The following HTR2C variants were observed in gnomAD, a reference collection of about 807,000 sequenced individuals.
HTR2C encodes 5-hydroxytryptamine receptor 2C.
A neutral mutation model predicts 21.0 loss-of-function variants in HTR2C; 5 were observed. That is an observed-to-expected ratio of 0.24 (90% CI 0.12 to 0.50). HTR2C has a LOEUF of 0.50. HTR2C is among the 20% of genes least tolerant of loss of function. The pLI, the probability that HTR2C is intolerant of heterozygous loss-of-function variation, is 0.98. For synonymous variants in HTR2C, 150 were observed against 145.3 expected (o/e 1.03, Z -0.23); for missense variants, 271 against 371.2 (o/e 0.73, Z 2.22).
At chrX:114,895,852 G>A (rs1196028891) in intron 5 of HTR2C, among the ~76,000 whole-genome samples, 1 of 110,089 alleles carries the variant, frequency 9.1e-6, no homozygotes, top group Non-Finnish European at 1.9e-5. Context: ...GCCAGGAGTG[G>A]TGGCGGGTGC....
At chrX:114,857,611 T>G (rs781847635) in intron 5 of HTR2C, among the ~76,000 whole-genome samples, 1 of 111,651 alleles carries the variant, frequency 9.0e-6, no homozygotes, top group Non-Finnish European at 1.9e-5. Flanking sequence ...TTTTTTTGTA[T>G]AGTCTAGATA....
intron 2 of HTR2C, among the ~76,000 whole-genome samples, chrX:114,650,037 CAG>C (rs1930500089): frequency 8.9e-6 from 1 of 111,988 alleles, no homozygotes; most frequent in Admixed American, 9.5e-5. Context: ...TCCTATGAAA[CAG>C]AAATAGCATG....
intron 2 of HTR2C, among the ~76,000 whole-genome samples, chrX:114,637,899 G>A (rs1929909065): frequency 9.0e-6 from 1 of 111,462 alleles, no homozygotes; most frequent in African/African-American, 3.3e-5. Context: ...GGGAGAGTGA[G>A]TGTAAACCTA....
intron 2 of HTR2C, 76 bp downstream of exon 2, chrX:114,613,957 A>G (rs1556399274): frequency 8.9e-6 from 1 of 111,750 alleles, no homozygotes; most frequent in African/African-American, 3.3e-5. Flanking sequence ...GGTGATTCCT[A>G]TTATTTTGCT....
intron 1 of HTR2C, among the ~76,000 whole-genome samples, chrX:114,613,535 C>G (rs1358810568): frequency 9.0e-6 from 1 of 111,406 alleles, no homozygotes; most frequent in Non-Finnish European, 1.9e-5. Flanking sequence ...TAGAATGCCT[C>G]AACTGTCTGG....
At chrX:114,807,967 G>A (rs868977900) in intron 4 of HTR2C, among the ~76,000 whole-genome samples, 13 of 110,834 alleles carry the variant, frequency 1.2e-4, no homozygotes, top group African/African-American at 2.3e-4. Flanking sequence ...CACCGCGCCC[G>A]CCCCATTCTT....
chrX:114,606,287 G>A (rs1194327007), intron 1 of HTR2C, among the ~76,000 whole-genome samples: 12 of 111,051 alleles, frequency 1.1e-4, no homozygotes, highest in African/African-American at 3.9e-4. Context: ...AAGCAGAGAA[G>A]GGGTAGAGAC....
chrX:114,787,863 C>A (rs928597489), intron 4 of HTR2C, among the ~76,000 whole-genome samples: 3 of 106,031 alleles, frequency 2.8e-5, no homozygotes, highest in East Asian at 3.0e-4. Context: ...AAGAGAATGG[C>A]GTGAACCCGG....
At chrX:114,745,923 A>G (rs1556425997) in intron 4 of HTR2C, among the ~76,000 whole-genome samples, 1 of 111,921 alleles carries the variant, frequency 8.9e-6, no homozygotes, top group African/African-American at 3.2e-5. Context: ...ATAGTCAATA[A>G]AAACTTAATT....
chrX:114,704,684 C>T (rs1385639141), intron 2 of HTR2C, among the ~76,000 whole-genome samples: 1 of 111,394 alleles, frequency 9.0e-6, no homozygotes, highest in Non-Finnish European at 1.9e-5. Context: ...TCCTATTCAA[C>T]ATAGTGTTGG....
intron 1 of HTR2C, among the ~76,000 whole-genome samples, chrX:114,605,893 G>A (rs891451429): frequency 9.3e-6 from 1 of 107,578 alleles, no homozygotes; most frequent in African/African-American, 3.4e-5. Context: ...AGAGATAAGA[G>A]GTTGGGGGGC....
At chrX:114,784,181 A>G (rs782698004) in intron 4 of HTR2C, among the ~76,000 whole-genome samples, 85 of 110,235 alleles carry the variant, frequency 7.7e-4, no homozygotes, top group African/African-American at 2.4e-3. Context: ...TAGATTGATT[A>G]ATAGAGAAAA....
rs1556488173 is a variant in HTR2C, at chrX:114,909,431, A to T, written c.*2016A>T. 1 of 112,477 alleles carries T rather than the reference A, an allele frequency of 8.9e-6. No homozygotes were observed. Among genetic ancestry groups the T allele is most frequent in the African/African-American group, 3.2e-5 (1 of 30,883 alleles). 9.3% of individuals were successfully genotyped at this position (112,477 alleles called of 1,213,427 possible). Reference sequence around the variant, plus strand: ...GAATAGCTGATAGAAGAAGGACTGAAGAAAATCCTTCAGCAATCCTTAAAA... The same window carrying T: ...GAATAGCTGATAGAAGAAGGACTGATGAAAATCCTTCAGCAATCCTTAAAA... On this transcript the variant is annotated 3_prime_UTR_variant, in exon 6 of 6. Transcript: ENST00000276198.
chrX:114,886,927 A>G (rs2071224256), intron 5 of HTR2C, among the ~76,000 whole-genome samples: 1 of 111,541 alleles, frequency 9.0e-6, no homozygotes, highest in Admixed American at 9.6e-5. Flanking sequence ...ACATTTCTAT[A>G]AGGTATATAG....
At chrX:114,864,894 CTTTTTCT>C (rs1380289869) in intron 5 of HTR2C, among the ~76,000 whole-genome samples, 5 of 50,144 alleles carry the variant, frequency 1.0e-4, no homozygotes, top group Non-Finnish European at 8.3e-5. Context: ...TTTTCTTTTT[CTTTTTCT>C]TTTTTTTTTT....
intron 4 of HTR2C, among the ~76,000 whole-genome samples, chrX:114,826,685 T>G (rs2070680996): frequency 9.0e-6 from 1 of 111,657 alleles, no homozygotes; most frequent in African/African-American, 3.2e-5. Flanking sequence ...ATTATTAAAT[T>G]TAAATTTGTA....
intron 2 of HTR2C, among the ~76,000 whole-genome samples, chrX:114,709,848 A>C (rs1242518963): frequency 9.0e-6 from 1 of 111,349 alleles, no homozygotes; most frequent in Non-Finnish European, 1.9e-5. Context: ...ATGCATTCCA[A>C]AGTAGCTTTC....
intron 2 of HTR2C, among the ~76,000 whole-genome samples, chrX:114,681,517 A>G (rs1368957252): frequency 1.8e-5 from 2 of 111,168 alleles, no homozygotes; most frequent in Non-Finnish European, 3.8e-5. Flanking sequence ...GCAATGAGTA[A>G]CACTGCAAGA....
rs782206973 is a variant in HTR2C, at chrX:114,741,524, T to TAAAAAAA, written c.349+9936_349+9942dup. Reference sequence around the variant, plus strand: ...GGCGACAGAGCAAGACGACTCCGTCTAAAAAAAAAAAAAAAAAAAAAAAAA... The same window carrying TAAAAAAA: ...GGCGACAGAGCAAGACGACTCCGTCTAAAAAAAAAAAAAAAAAAAAAAAAAAAAAAAA... On this transcript the variant is annotated intron_variant, in intron 4 of 5. Coordinates refer to ENST00000276198, the MANE Select transcript of HTR2C (RefSeq NM_000868.4). 3.3e-3 allele frequency among the ~76,000 whole-genome samples: 16 copies of TAAAAAAA among 4,898 alleles called. 1 individual carries two copies. The highest frequency in any genetic ancestry group is 5.3e-3 in the Admixed American group (1 of 190). The allele number at this position is 4,898 out of a possible 115,157, so 4.3% of individuals were successfully genotyped here.
Sources: gnomAD v4.1 joint callset for allele counts (sites outside exome capture counted in the v4.1 genomes callset) on GRCh38, gnomAD v4.1.1 for gene constraint, MANE v1.5 for transcripts, NCBI Gene and HGNC (gene_info 2026-07-23, HGNC 2026-07-21) for gene names.